Variants in KANK2 observed in about 807,000 individuals in gnomAD.
The protein encoded by KANK2 is KN motif and ankyrin repeat domain-containing protein 2.
KANK2 carries 41 observed loss-of-function variants against 74.6 expected under a neutral mutation model. The observed-to-expected ratio is 0.55, with a 90% CI of 0.43 to 0.71. The LOEUF (loss-of-function observed/expected upper bound fraction) is 0.71. Ranked by LOEUF, KANK2 falls within the 30% of genes least tolerant of loss-of-function variation. The pLI, the probability that KANK2 is intolerant of heterozygous loss-of-function variation, is 0.00. For missense variants in KANK2, 1,148 were observed against 1,196.4 expected (o/e 0.96, Z 0.60); for synonymous variants, 537 against 519.0 (o/e 1.03, Z -0.47).
At chr19:11,190,408 C>A (rs1174674880) in intron 4 of KANK2, among the ~76,000 whole-genome samples, 1 of 151,906 alleles carries the variant, frequency 6.6e-6, no homozygotes, top group Non-Finnish European at 1.5e-5. Context: ...GATTACAGGC[C>A]TGATGTTCTG....
chr19:11,183,655 ATTTTT>A (rs374907585), intron 4 of KANK2, among the ~76,000 whole-genome samples: 1 of 144,934 alleles, frequency 6.9e-6, no homozygotes, highest in Non-Finnish European at 1.5e-5. Flanking sequence ...TGCCCAGCTA[ATTTTT>A]TTTTTTTTTG....
At position 11,169,884 on chromosome 19, in the gene KANK2, T is replaced by C. The variant is rs1312007183; in HGVS notation, c.2495A>G (p.Lys832Arg). 6.2e-7 allele frequency: 1 copy of C among 1,613,924 alleles called. No individual in the cohort carries two copies. The highest frequency in any genetic ancestry group is 8.5e-7 in the Non-Finnish European group (1 of 1,179,806). ...GGCCGGATTGAGACTCACCGAGCAC[T>C]TGATGTTCATGCGGGAATACAGCAT... ...ASMLYSRMNI[K>R]CSFAPMSDDE... is the part of the protein sequence containing the mutation. Residue 832 changes from lysine (K) to arginine (R), a missense_variant, in exon 12 of 13, where the codon AAG becomes AGG. Transcript: ENST00000586659.
At chr19:11,180,964 G>A (rs2078495842) in intron 4 of KANK2, among the ~76,000 whole-genome samples, 1 of 151,650 alleles carries the variant, frequency 6.6e-6, no homozygotes, top group Admixed American at 6.6e-5. Flanking sequence ...GTAGACATTT[G>A]TGATCCCATC....
chr19:11,171,691 T>C (rs2078177901), intron 10 of KANK2, among the ~76,000 whole-genome samples: 1 of 150,976 alleles, frequency 6.6e-6, no homozygotes, highest in Admixed American at 6.6e-5. Context: ...TAATTTTTTT[T>C]TTTTTGAGAT....
At chr19:11,185,108 T>TAGCTTGCTGCAGCCTCAAAATCCTG (rs2078639614) in intron 4 of KANK2, among the ~76,000 whole-genome samples, 1 of 149,154 alleles carries the variant, frequency 6.7e-6, no homozygotes, top group African/African-American at 2.5e-5. Flanking sequence ...AGTCCAATCA[T>TAGCTTGCTGCAGCCTCAAAATCCTG]AGCTTGCTGC....
chr19:11,180,204 G>C (rs1449268563), intron 4 of KANK2, among the ~76,000 whole-genome samples: 1 of 152,072 alleles, frequency 6.6e-6, no homozygotes, highest in South Asian at 2.1e-4. Flanking sequence ...CCTGTCCCCC[G>C]GGGCGCCAAC....
At chr19:11,184,974 G>A (rs1454292047) in intron 4 of KANK2, among the ~76,000 whole-genome samples, 2 of 146,018 alleles carry the variant, frequency 1.4e-5, no homozygotes, top group Non-Finnish European at 1.5e-5. Context: ...CATCATGCTC[G>A]GCTAATTTTT....
In KANK2 at chr19:11,193,144, G is replaced by T. The variant is rs993761742; in HGVS notation, c.936C>A (p.Asp312Glu). ...GCGGTGGCCAGGCCTGGGGCTGGGG[G>T]TCAGCCTGCCGGGCCTGAGCTGCCT... ...ELQAAQARQA[D>E]PQPQAWPPPD... is the part of the protein sequence containing the mutation. The change falls in exon 4 of 13, where the codon GAC (aspartate) becomes GAA (glutamate). Residue 312 changes from aspartate to glutamate, a missense_variant. Coordinates refer to ENST00000586659, the MANE Select transcript of KANK2 (RefSeq NM_001136191.3). This position sits in a 1 kb window ranked among gnomAD's most constrained non-coding sequence, Gnocchi z 9.6. The T allele has an allele frequency of 4.4e-6, 7 of 1,607,822 alleles. No individual in the cohort carries two copies. The highest frequency in any genetic ancestry group is 1.3e-5 in the African/African-American group (1 of 74,830).
chr19:11,192,794 C>CG lies in KANK2; in HGVS notation c.1249+36_1249+37insC, dbSNP rs58206854. ...ATGGGAAGAAAGAGGCCCCCCCCCC[C>CG]CAAGCCATTCTCCCCTGCCTGCCTG... On this transcript the variant is annotated intron_variant, in intron 4 of 12. Coordinates refer to ENST00000586659, the MANE Select transcript of KANK2 (RefSeq NM_001136191.3). The CG allele has an allele frequency of 4.4e-6, 7 of 1,593,570 alleles. No individual in the cohort carries two copies. In the Admixed American group the frequency reaches 1.0e-4, roughly 23 times the overall value.
At chr19:11,173,507 G>A (rs1301881452) in intron 9 of KANK2, among the ~76,000 whole-genome samples, 1 of 152,140 alleles carries the variant, frequency 6.6e-6, no homozygotes, top group Non-Finnish European at 1.5e-5. Flanking sequence ...GGAAGGGCAA[G>A]TTTCTTACTA....
intron 4 of KANK2, among the ~76,000 whole-genome samples, chr19:11,184,325 G>A (rs141148083): frequency 2.0e-5 from 3 of 150,200 alleles, no homozygotes; most frequent in African/African-American, 7.3e-5. Flanking sequence ...GCAGTGAGCC[G>A]AGATCGTGCC....
chr19:11,171,755 T>C (rs940728476), intron 10 of KANK2, among the ~76,000 whole-genome samples: 11 of 151,690 alleles, frequency 7.3e-5, no homozygotes, highest in Non-Finnish European at 1.5e-4. Flanking sequence ...CTCGGCTCAC[T>C]GCAACCTCCG....
intron 4 of KANK2, among the ~76,000 whole-genome samples, chr19:11,191,675 G>A (rs1002395376): frequency 6.6e-6 from 1 of 152,222 alleles, no homozygotes; most frequent in African/African-American, 2.4e-5. Flanking sequence ...GATGCCTGGA[G>A]CAGTGAGGTC....
In KANK2 at chr19:11,170,155, C is replaced by A. The variant is rs749907416; in HGVS notation, c.2305G>T (p.Asp769Tyr). The A allele has an allele frequency of 9.9e-6, 16 of 1,612,326 alleles. No individual in the cohort carries two copies. In the Admixed American group the frequency reaches 1.5e-4, roughly 15 times the overall value. Reference sequence around the variant, plus strand: ...ATGAGGGCCGTGGAGCCGTCATCATCTTGCACGTTGACATCTGCCTCACAG... The same window carrying A: ...ATGAGGGCCGTGGAGCCGTCATCATATTGCACGTTGACATCTGCCTCACAG... ...LACEADVNVQ[D>Y]DDGSTALMCA... is the part of the protein sequence containing the mutation. Residue 769 changes from aspartate (D) to tyrosine (Y), a missense_variant, in exon 11 of 13, where the codon GAT becomes TAT. By Grantham distance (160) the Asp-to-Tyr change is radical. Coordinates refer to ENST00000586659, the MANE Select transcript of KANK2 (RefSeq NM_001136191.3). The surrounding 1 kb of genome is among the most constrained non-coding windows in gnomAD (Gnocchi z 5.2).
chr19:11,175,427 CAAAAAAAAAAAAAA>C (rs753933217), intron 8 of KANK2, among the ~76,000 whole-genome samples: 8 of 14,974 alleles, frequency 5.3e-4, no homozygotes, highest in South Asian at 3.4e-3. Flanking sequence ...GACTCCCTCT[CAAAAAAAAAAAAAA>C]AAAAAAAAAA....
At chr19:11,178,071 G>A (rs895815239) in intron 6 of KANK2, among the ~76,000 whole-genome samples, 6 of 152,132 alleles carry the variant, frequency 3.9e-5, no homozygotes, top group African/African-American at 4.8e-5. Flanking sequence ...AGGAAGCGGC[G>A]TCCGGCACCT....
At chr19:11,176,430 C>T in intron 7 of KANK2, 148 bp downstream of exon 7, 2 of 952,014 alleles carry the variant, frequency 2.1e-6, no homozygotes, top group Non-Finnish European at 3.0e-6. Flanking sequence ...TTCAGATGCC[C>T]AGAAGGAGCA....
intron 4 of KANK2, among the ~76,000 whole-genome samples, chr19:11,189,600 T>C (rs1437001064): frequency 8.1e-5 from 5 of 61,972 alleles, no homozygotes; most frequent in African/African-American, 3.5e-4. Flanking sequence ...CAAGACTCTG[T>C]CTCAAAAAAA....
chr19:11,181,999 C>A (rs1003897079), intron 4 of KANK2, among the ~76,000 whole-genome samples: 2 of 146,904 alleles, frequency 1.4e-5, no homozygotes, highest in African/African-American at 5.1e-5. Flanking sequence ...CTCACTGCAA[C>A]CTCTGCCTCC....
Sources: allele counts gnomAD v4.1 joint callset (sites outside exome capture counted in the v4.1 genomes callset), GRCh38; gene constraint gnomAD v4.1.1; non-coding constraint Gnocchi (gnomAD v3.1); transcripts MANE v1.5; gene names NCBI Gene and HGNC (gene_info 2026-07-23, HGNC 2026-07-21).